The following SLC25A24 variants were observed in gnomAD, a reference collection of about 807,000 sequenced individuals.
The protein encoded by SLC25A24 is solute carrier family 25 member 24.
SLC25A24 carries 49 observed loss-of-function variants against 60.7 expected under a neutral mutation model. The ratio of observed to expected loss-of-function variants is 0.81; its 90% confidence interval spans 0.64 to 1.02. The LOEUF is 1.02. SLC25A24 is among the 50% of genes least tolerant of loss of function. SLC25A24 has a pLI of 0.00. For missense variants in SLC25A24, 564 were observed against 586.3 expected, an observed-to-expected ratio of 0.96 and a Z score of 0.39; for synonymous variants, 202 against 200.6, an observed-to-expected ratio of 1.01 and a Z score of -0.06.
At chr1:108,155,432 T>C (rs1377197463) in intron 5 of SLC25A24, among the ~76,000 whole-genome samples, 1 of 151,904 alleles carries the variant, frequency 6.6e-6, no homozygotes, top group African/African-American at 2.4e-5. Flanking sequence ...TAATATTAAC[T>C]AAATTATGTA....
chr1:108,199,912 C>G (rs1648606700), intron 1 of SLC25A24, 44 bp downstream of exon 1: 1 of 1,509,814 alleles, frequency 6.6e-7, no homozygotes, highest in Non-Finnish European at 9.0e-7. Flanking sequence ...CCCCAGCGCC[C>G]GCAGCCCTCC....
At chr1:108,170,542 G>A (rs1647427104) in intron 3 of SLC25A24, among the ~76,000 whole-genome samples, 1 of 151,958 alleles carries the variant, frequency 6.6e-6, no homozygotes, top group Admixed American at 6.6e-5. Context: ...ATCAAATACA[G>A]GAAGAATTGT....
rs758043159 is a variant in SLC25A24, at chr1:108,199,937, C to T, written c.183+19G>A. 2 of 1,588,916 alleles carry T rather than the reference C, an allele frequency of 1.3e-6. No individual in the cohort carries two copies. Among genetic ancestry groups the T allele is most frequent in the Middle Eastern group, 1.7e-4 (1 of 5,866 alleles). On this transcript the variant is annotated intron_variant, in intron 1 of 9. Coordinates refer to ENST00000565488, the MANE Select transcript of SLC25A24 (RefSeq NM_013386.5). ...CGCAGCCCTCCCTACGCTCAGGCGGCGCCCCGGCGGCGACCCACCTCCTCG... is the reference window on the plus strand; with the variant it reads ...CGCAGCCCTCCCTACGCTCAGGCGGTGCCCCGGCGGCGACCCACCTCCTCG...
chr1:108,172,832 T>A (rs553932977), intron 3 of SLC25A24, among the ~76,000 whole-genome samples: 1 of 152,182 alleles, frequency 6.6e-6, no homozygotes, highest in Non-Finnish European at 1.5e-5. Flanking sequence ...ATGATGGTTA[T>A]ATAACTACAG....
chr1:108,149,049 T>C (rs1370528846), intron 6 of SLC25A24, among the ~76,000 whole-genome samples: 3 of 152,148 alleles, frequency 2.0e-5, no homozygotes, highest in Non-Finnish European at 4.4e-5. Flanking sequence ...GTACAGAAAA[T>C]ACAAGGTTAA....
chr1:108,179,824 T>C (rs1647851238), intron 3 of SLC25A24, among the ~76,000 whole-genome samples: 1 of 152,066 alleles, frequency 6.6e-6, no homozygotes, highest in Admixed American at 6.6e-5. Context: ...AATAATAATA[T>C]ATTATATTCT....
At chr1:108,159,701 G>A (rs1212135209) in intron 4 of SLC25A24, among the ~76,000 whole-genome samples, 6 of 151,294 alleles carry the variant, frequency 4.0e-5, no homozygotes, top group Admixed American at 6.6e-5. Flanking sequence ...CATCTGTTTA[G>A]CAAAGCACAT....
At chr1:108,185,702 A>C in intron 2 of SLC25A24, 126 bp downstream of exon 2, 1 of 702,016 alleles carries the variant, frequency 1.4e-6, no homozygotes, top group Non-Finnish European at 2.3e-6. Context: ...TTACTAAAAA[A>C]AAGTATTAAC....
intron 3 of SLC25A24, among the ~76,000 whole-genome samples, chr1:108,163,350 A>G (rs1218309789): frequency 4.1e-5 from 6 of 146,732 alleles, no homozygotes; most frequent in Non-Finnish European, 9.0e-5. Context: ...TGGTAGCTTG[A>G]TGGGGATGGC....
chr1:108,195,101 TA>T (rs1168192504), intron 1 of SLC25A24, among the ~76,000 whole-genome samples: 1 of 152,232 alleles, frequency 6.6e-6, no homozygotes, highest in Non-Finnish European at 1.5e-5. Flanking sequence ...ATTCAATCCT[TA>T]AAAAGATAAG....
chr1:108,192,531 C>G lies in SLC25A24; in HGVS notation c.184-6577G>C. ...TCTAGAGATTGAATGGCCCCTACATCCTCCAGGCCTTCCTGAAGCTCAAAA... is the reference window on the plus strand; with the variant it reads ...TCTAGAGATTGAATGGCCCCTACATGCTCCAGGCCTTCCTGAAGCTCAAAA... On this transcript the variant is annotated intron_variant, in intron 1 of 9. Coordinates refer to ENST00000565488, the MANE Select transcript of SLC25A24 (RefSeq NM_013386.5). The G allele has an allele frequency of 5.3e-6, 8 of 1,498,728 alleles. 2 individuals carry two copies. Among genetic ancestry groups the G allele is most frequent in the Non-Finnish European group, 7.2e-6 (8 of 1,113,886 alleles). 92.8% of individuals were successfully genotyped at this position (1,498,728 alleles called of 1,614,324 possible). A position where few individuals can be genotyped will look rare whatever the true frequency, so the allele number is the denominator to read the frequency against.
chr1:108,190,470 T>C (rs1020069322), intron 1 of SLC25A24, among the ~76,000 whole-genome samples: 2 of 152,206 alleles, frequency 1.3e-5, no homozygotes, highest in Non-Finnish European at 2.9e-5. Flanking sequence ...GCTGGTTTCC[T>C]GGTCTGTTTA....
At chr1:108,138,151 T>A (rs982089609) in intron 9 of SLC25A24, among the ~76,000 whole-genome samples, 1 of 152,262 alleles carries the variant, frequency 6.6e-6, no homozygotes, top group Admixed American at 6.5e-5. Flanking sequence ...TTTAACCAGG[T>A]TGTTTACTTG....
chr1:108,149,450 T>C (rs1464049558), intron 6 of SLC25A24, among the ~76,000 whole-genome samples: 2 of 152,210 alleles, frequency 1.3e-5, no homozygotes, highest in South Asian at 2.1e-4. Flanking sequence ...TAACAGTACT[T>C]ACCTCACAGG....
intron 1 of SLC25A24, among the ~76,000 whole-genome samples, chr1:108,189,710 G>A (rs1266998669): frequency 1.2e-4 from 18 of 151,604 alleles, no homozygotes; most frequent in South Asian, 6.3e-4. Flanking sequence ...CAGCTACTCC[G>A]GAGGTTGAGG....
intron 8 of SLC25A24, among the ~76,000 whole-genome samples, chr1:108,141,709 A>G (rs1296987439): frequency 6.6e-6 from 1 of 152,230 alleles, no homozygotes; most frequent in Admixed American, 6.5e-5. Context: ...GTTGTATGCT[A>G]TCATATGGAT....
At chr1:108,166,162 C>T (rs1309576242) in intron 3 of SLC25A24, among the ~76,000 whole-genome samples, 10 of 152,132 alleles carry the variant, frequency 6.6e-5, no homozygotes, top group Admixed American at 6.5e-4. Context: ...CCAAGAGATC[C>T]GCTGTTAGTC....
intron 8 of SLC25A24, among the ~76,000 whole-genome samples, chr1:108,140,654 G>A (rs1223322315): frequency 1.3e-5 from 2 of 152,006 alleles, no homozygotes; most frequent in Non-Finnish European, 2.9e-5. Context: ...GGTGAAATAT[G>A]TAAAGAAATA....
At chr1:108,149,084 T>C (rs938047042) in intron 6 of SLC25A24, among the ~76,000 whole-genome samples, 4 of 152,176 alleles carry the variant, frequency 2.6e-5, no homozygotes, top group African/African-American at 9.7e-5. Context: ...TGTTTGGATA[T>C]TTTCCCCACA....
Sources: allele counts gnomAD v4.1 joint callset (sites outside exome capture counted in the v4.1 genomes callset), GRCh38; gene constraint gnomAD v4.1.1; transcripts MANE v1.5; gene names NCBI Gene and HGNC (gene_info 2026-07-23, HGNC 2026-07-21).